The following ACSBG2 variants were observed in gnomAD, a reference collection of about 807,000 sequenced individuals.
ACSBG2 encodes the protein acyl-CoA synthetase bubblegum family member 2, also known as long-chain-fatty-acid--CoA ligase ACSBG2.
A neutral mutation model predicts 74.7 loss-of-function variants in ACSBG2; 62 were observed. The observed-to-expected ratio is 0.83, with a 90% CI of 0.68 to 1.03. ACSBG2 has a LOEUF of 1.03. Among genes scored for constraint, ACSBG2 ranks in the 50% least tolerant of loss-of-function variants. The pLI is 0.00. For missense variants in ACSBG2, 730 were observed against 817.6 expected (o/e 0.89, Z 1.31); for synonymous variants, 309 against 294.1 (o/e 1.05, Z -0.52).
intron 7 of ACSBG2, among the ~76,000 whole-genome samples, chr19:6,172,943 CCT>C (rs1029726793): frequency 2.0e-5 from 3 of 152,164 alleles, no homozygotes; most frequent in East Asian, 1.9e-4. Context: ...CTATCACACC[CCT>C]GTCATGGGGC....
At chr19:6,166,144 T>C in intron 7 of ACSBG2, 129 bp downstream of exon 7, 2 of 1,181,308 alleles carry the variant, frequency 1.7e-6, no homozygotes, top group Non-Finnish European at 2.4e-6. Context: ...GGTTAGAGAG[T>C]AGCGTAGTTG....
rs770187193 is a variant in ACSBG2, at chr19:6,165,932, C to T, written c.655C>T (p.Gln219Ter). 8 of 1,613,874 alleles carry T rather than the reference C, an allele frequency of 5.0e-6. No individual in the cohort carries two copies. In the South Asian group the frequency reaches 7.7e-5, roughly 16 times the overall value. Residue 219 changes from glutamine (Q) to a stop codon, truncating the protein, a stop_gained, in exon 7 of 15, where the codon CAG becomes TAG. Coordinates refer to ENST00000588485, the MANE Select transcript of ACSBG2 (RefSeq NM_030924.5). LOFTEE classifies it high-confidence loss of function. ...DTQLEQVIES[Q>*]KANQCAVLIY... ...CCAACTGGAGCAGGTCATCGAGAGC[C>T]AGAAGGCGAATCAATGCGCAGTGCT...
rs140296664 is a variant in ACSBG2, at chr19:6,174,006, G to A, written c.739-3223G>A. ...GGTTGGAGAGCAGTGGCACAATCTC[G>A]ACTCACTGCAACCTCTGCCTCCCAA... is the stretch of plus-strand genomic sequence containing the variant. On this transcript the variant is annotated intron_variant, in intron 7 of 14. Transcript: ENST00000588485. This position sits in a 1 kb window ranked among gnomAD's most constrained non-coding sequence, Gnocchi z 4.2. Among the ~76,000 whole-genome samples, 121 of 148,982 alleles carry A rather than the reference G, an allele frequency of 8.1e-4. No homozygotes were observed. The highest frequency in any genetic ancestry group is 2.7e-3 in the African/African-American group (106 of 39,904).
rs1262432113 is a variant in ACSBG2, at chr19:6,173,677, A to G, written c.739-3552A>G. 5.3e-5 allele frequency among the ~76,000 whole-genome samples: 8 copies of G among 152,098 alleles called. No individual in the cohort carries two copies. The East Asian group carries it at 1.5e-3, about 29-fold the overall frequency. Reference sequence around the variant, plus strand: ...CTCCTTCCTCCATTTTCAGTTCAAAACTTATCCATTTACCAGTAATTTTGA... The same window carrying G: ...CTCCTTCCTCCATTTTCAGTTCAAAGCTTATCCATTTACCAGTAATTTTGA... On this transcript the variant is annotated intron_variant, in intron 7 of 14. Coordinates refer to ENST00000588485, the MANE Select transcript of ACSBG2 (RefSeq NM_030924.5).
At chr19:6,163,605 G>A (rs996276855) in intron 6 of ACSBG2, among the ~76,000 whole-genome samples, 4 of 151,640 alleles carry the variant, frequency 2.6e-5, no homozygotes, top group Non-Finnish European at 5.9e-5. Flanking sequence ...GCCGGGCGTG[G>A]TGGCACGCAC....
chr19:6,146,493 C>T (rs1033869756), intron 2 of ACSBG2, among the ~76,000 whole-genome samples: 7 of 149,490 alleles, frequency 4.7e-5, no homozygotes, highest in African/African-American at 7.4e-5. Flanking sequence ...AGGCCAGGCG[C>T]GGTGGCTCAT....
intron 5 of ACSBG2, among the ~76,000 whole-genome samples, chr19:6,156,918 G>T (rs1384433328): frequency 1.3e-5 from 2 of 151,634 alleles, no homozygotes; most frequent in African/African-American, 4.9e-5. Context: ...CAAGTAGCTG[G>T]GACTACGAGC....
chr19:6,156,560 C>CTA lies in ACSBG2; in HGVS notation c.507+10_507+11dup. On this transcript the variant is annotated intron_variant, in intron 5 of 14. Coordinates refer to ENST00000588485, the MANE Select transcript of ACSBG2 (RefSeq NM_030924.5). Reference sequence around the variant, plus strand: ...TACAGAAAATCCTTTCGGTAAACCCCTACCCAGCACTGCCTGCCAAAGTCA... The same window carrying CTA: ...TACAGAAAATCCTTTCGGTAAACCCCTATACCCAGCACTGCCTGCCAAAGTCA... 6 of 1,537,070 alleles carry CTA rather than the reference C, an allele frequency of 3.9e-6. No individual in the cohort carries two copies. The highest frequency in any genetic ancestry group is 5.3e-6 in the Non-Finnish European group (6 of 1,140,794).
chr19:6,189,002 T>C (rs947020870), intron 13 of ACSBG2, among the ~76,000 whole-genome samples: 2 of 152,020 alleles, frequency 1.3e-5, no homozygotes, highest in Non-Finnish European at 2.9e-5. Context: ...TGTGATTGGG[T>C]TTTTTGTGTG....
chr19:6,185,309 G>A (rs372959576), intron 10 of ACSBG2, 127 bp from the exon 11 acceptor site: 13 of 855,668 alleles, frequency 1.5e-5, no homozygotes, highest in East Asian at 2.4e-5. Flanking sequence ...CCTTCTGTGC[G>A]CTGGGGTGCA....
At chr19:6,178,464 C>T (rs2090151213) in intron 8 of ACSBG2, among the ~76,000 whole-genome samples, 2 of 152,042 alleles carry the variant, frequency 1.3e-5, no homozygotes, top group Admixed American at 1.3e-4. Context: ...CCACTGCAAC[C>T]TCTGTCTTCC....
intron 13 of ACSBG2, among the ~76,000 whole-genome samples, chr19:6,188,491 A>T (rs2090467374): frequency 6.6e-6 from 1 of 152,114 alleles, no homozygotes; most frequent in Non-Finnish European, 1.5e-5. Flanking sequence ...AAATACAAAA[A>T]TTAGCTGGGT....
chr19:6,163,252 A>G (rs1414887678), intron 6 of ACSBG2, among the ~76,000 whole-genome samples: 1 of 44,498 alleles, frequency 2.2e-5, no homozygotes, highest in Non-Finnish European at 6.2e-5. Flanking sequence ...GGTACAGACC[A>G]TCCTGGCCAA....
At chr19:6,157,740 T>C (rs1236689177) in intron 5 of ACSBG2, among the ~76,000 whole-genome samples, 1 of 152,122 alleles carries the variant, frequency 6.6e-6, no homozygotes, top group Non-Finnish European at 1.5e-5. Context: ...TAAGTAAAAG[T>C]ATTAATATAT....
intron 13 of ACSBG2, 153 bp from the exon 14 acceptor site, chr19:6,190,431 T>C (rs538696385): frequency 2.9e-5 from 18 of 627,484 alleles, no homozygotes; most frequent in Non-Finnish European, 4.9e-5. Flanking sequence ...ATCATCCCCA[T>C]ACAGATGGCA....
intron 1 of ACSBG2, among the ~76,000 whole-genome samples, chr19:6,139,980 T>C (rs567908350): frequency 1.3e-5 from 2 of 152,022 alleles, no homozygotes; most frequent in South Asian, 4.2e-4. Flanking sequence ...TCCCAGTACT[T>C]TGGGAGGCCG....
At chr19:6,177,048 T>C (rs557631622) in intron 7 of ACSBG2, among the ~76,000 whole-genome samples, 181 bp from the exon 8 acceptor site, 4 of 151,918 alleles carry the variant, frequency 2.6e-5, no homozygotes, top group Admixed American at 6.6e-5. Context: ...ATAGTACCAG[T>C]TACTCAGGAG....
intron 5 of ACSBG2, 116 bp from the exon 6 acceptor site, chr19:6,161,099 C>T (rs1284040487): frequency 1.8e-6 from 1 of 565,624 alleles, no homozygotes; most frequent in East Asian, 3.6e-5. Flanking sequence ...GACTGTGTCT[C>T]AAAAAAAAAA....
At chr19:6,191,860 C>G (rs758897307) in intron 14 of ACSBG2, 1 of 152,088 alleles carries the variant, frequency 6.6e-6, no homozygotes, top group African/African-American at 2.4e-5. Context: ...AGCAGTTCAA[C>G]GTACCACATT....
Sources: allele counts gnomAD v4.1 joint callset (sites outside exome capture counted in the v4.1 genomes callset), GRCh38; gene constraint gnomAD v4.1.1; non-coding constraint Gnocchi (gnomAD v3.1); transcripts MANE v1.5; gene names NCBI Gene and HGNC (gene_info 2026-07-23, HGNC 2026-07-21).